PRKCQ: variants seen among roughly 807,000 people sequenced by gnomAD.
The protein encoded by PRKCQ is protein kinase C theta.
A neutral mutation model predicts 91.2 loss-of-function variants in PRKCQ; 41 were observed. The observed-to-expected ratio is 0.45, with a 90% confidence interval of 0.35 to 0.58. The LOEUF (loss-of-function observed/expected upper bound fraction) is 0.58, where lower values mean the gene tolerates loss of function less well. PRKCQ is among the 20% of genes least tolerant of loss of function. PRKCQ has a pLI of 0.00. For missense variants in PRKCQ, 673 were observed against 896.5 expected, an observed-to-expected ratio of 0.75 and a Z score of 3.18; for synonymous variants, 307 against 316.9, an observed-to-expected ratio of 0.97 and a Z score of 0.33.
At chr10:6,425,798 A>AAAAT (rs1418282989), downstream of PRKCQ, among the ~76,000 whole-genome samples, 1 of 152,168 alleles carries the variant, frequency 6.6e-6, no homozygotes, top group South Asian at 2.1e-4. Flanking sequence ...CTAATTCAAA[A>AAAAT]AAATAAAAAA....
At chr10:6,442,434 A>T (rs1003234500) in intron 15 of PRKCQ, among the ~76,000 whole-genome samples, 4 of 152,206 alleles carry the variant, frequency 2.6e-5, no homozygotes, top group African/African-American at 9.6e-5. Context: ...TAAGTTCTTC[A>T]GTGGCTCTGG....
the PRKCQ span, among the ~76,000 whole-genome samples, chr10:6,420,381 T>C: frequency 6.6e-6 from 1 of 152,192 alleles, no homozygotes; most frequent in Non-Finnish European, 1.5e-5. Flanking sequence ...TTTACCACTA[T>C]GGCACGGCTG....
intron 13 of PRKCQ, among the ~76,000 whole-genome samples, chr10:6,462,857 T>A (rs1208391346): frequency 6.6e-6 from 1 of 152,000 alleles, no homozygotes; most frequent in Admixed American, 6.5e-5. Flanking sequence ...ATACAAAAAT[T>A]AGCAGGGCAT....
intron 1 of PRKCQ, among the ~76,000 whole-genome samples, chr10:6,534,789 T>TAG (rs1228978181): frequency 1.7e-4 from 22 of 130,172 alleles, no homozygotes; most frequent in East Asian, 6.6e-4. Flanking sequence ...TATATATATA[T>TAG]ATAGATATAT....
At chr10:6,496,643 T>C (rs1002925215) in intron 7 of PRKCQ, among the ~76,000 whole-genome samples, 2 of 152,150 alleles carry the variant, frequency 1.3e-5, no homozygotes, top group Non-Finnish European at 2.9e-5. Context: ...AATTTGTGTA[T>C]ATTTAGGAGG....
intron 1 of PRKCQ, among the ~76,000 whole-genome samples, chr10:6,544,806 G>C (rs1839893138): frequency 6.6e-6 from 1 of 152,014 alleles, no homozygotes; most frequent in African/African-American, 2.4e-5. Flanking sequence ...ATTTTTAGTA[G>C]AGACAGTGTT....
At position 6,479,109 on chromosome 10, in the gene PRKCQ, C is replaced by T. The variant is rs774350125; in HGVS notation, c.1236G>A (p.Lys412=). 13 of 1,614,082 alleles carry T rather than the reference C, an allele frequency of 8.1e-6. No homozygotes were observed. The highest frequency in any genetic ancestry group is 1.1e-5 in the Non-Finnish European group (13 of 1,180,040). ...CATCGTCCATCAAGACCACATCTTT[C>T]TTTAAGGCCTTTATTGCGAAAAATT... ...TNQFFAIKAL[K]KDVVLMDDDV... The change falls in exon 12 of 18, where the codon AAG becomes AAA. Residue 412 remains lysine, a synonymous_variant. Coordinates refer to ENST00000263125, the MANE Select transcript of PRKCQ (RefSeq NM_006257.5).
At chr10:6,446,179 T>C (rs1338542558) in intron 15 of PRKCQ, among the ~76,000 whole-genome samples, 4 of 152,154 alleles carry the variant, frequency 2.6e-5, no homozygotes, top group African/African-American at 9.6e-5. Context: ...CCCTCTCCTA[T>C]AGGGGGTGAT....
chr10:6,398,268 A>G, the PRKCQ span, among the ~76,000 whole-genome samples: 2 of 152,358 alleles, frequency 1.3e-5, no homozygotes, highest in Admixed American at 6.5e-5. Flanking sequence ...CAGTACCACA[A>G]TATCTTGATT....
At chr10:6,408,055 T>TTG in the PRKCQ span, among the ~76,000 whole-genome samples, 1 of 142,210 alleles carries the variant, frequency 7.0e-6, no homozygotes, top group African/African-American at 2.6e-5. Context: ...AGTTTTTTTT[T>TTG]TTTTTTTTTT....
At chr10:6,411,662 G>T in the PRKCQ span, among the ~76,000 whole-genome samples, 1 of 152,160 alleles carries the variant, frequency 6.6e-6, no homozygotes, top group Non-Finnish European at 1.5e-5. Context: ...GCACAGCAGG[G>T]TTGAGTAGTT....
intron 14 of PRKCQ, 78 bp from the exon 15 acceptor site, chr10:6,456,890 A>G: frequency 6.7e-7 from 1 of 1,492,542 alleles, no homozygotes; most frequent in Non-Finnish European, 9.1e-7. Context: ...GAGGCGAGGG[A>G]GTTTGTCTCA....
intron 12 of PRKCQ, among the ~76,000 whole-genome samples, chr10:6,474,621 A>C (rs1299819225): frequency 6.6e-6 from 1 of 152,184 alleles, no homozygotes; most frequent in Non-Finnish European, 1.5e-5. Flanking sequence ...TTGAGTTATT[A>C]ATCTTTCTTT....
chr10:6,499,199 T>G (rs1391702249), intron 4 of PRKCQ, among the ~76,000 whole-genome samples: 1 of 152,210 alleles, frequency 6.6e-6, no homozygotes, highest in Non-Finnish European at 1.5e-5. Flanking sequence ...AGAAAATTAA[T>G]AGCTCACTGC....
At chr10:6,504,527 C>A (rs748380847) in intron 4 of PRKCQ, among the ~76,000 whole-genome samples, 9 of 152,184 alleles carry the variant, frequency 5.9e-5, no homozygotes, top group Admixed American at 2.6e-4. Context: ...TCTTGCTAAC[C>A]TTTAATGCCC....
intron 1 of PRKCQ, among the ~76,000 whole-genome samples, chr10:6,572,485 T>C (rs1270065720): frequency 6.6e-6 from 1 of 152,206 alleles, no homozygotes; most frequent in Non-Finnish European, 1.5e-5. Context: ...ACATAAGGTG[T>C]CCAGTTTTCT....
intron 1 of PRKCQ, among the ~76,000 whole-genome samples, chr10:6,537,193 C>T (rs909714211): frequency 3.9e-5 from 6 of 152,182 alleles, no homozygotes; most frequent in Middle Eastern, 6.8e-3. Context: ...TTTTTTATTT[C>T]TCGCTTTGTT....
intron 1 of PRKCQ, among the ~76,000 whole-genome samples, chr10:6,545,964 A>G (rs964515503): frequency 3.3e-5 from 5 of 152,092 alleles, no homozygotes; most frequent in African/African-American, 7.2e-5. Flanking sequence ...AGATTGTGCC[A>G]CTGCACTCCA....
the PRKCQ span, among the ~76,000 whole-genome samples, chr10:6,397,221 C>T: frequency 3.9e-5 from 6 of 152,110 alleles, no homozygotes; most frequent in Non-Finnish European, 5.9e-5. Flanking sequence ...GTCAGCCTCC[C>T]GAGTAGCTGG....
Sources: gnomAD v4.1 joint callset for allele counts (sites outside exome capture counted in the v4.1 genomes callset) on GRCh38, gnomAD v4.1.1 for gene constraint, MANE v1.5 for transcripts, NCBI Gene and HGNC (gene_info 2026-07-23, HGNC 2026-07-21) for gene names.